Variants in SLC24A2 observed in about 807,000 individuals in gnomAD.
SLC24A2 encodes sodium/potassium/calcium exchanger 2.
SLC24A2 carries 36 observed loss-of-function variants against 62.0 expected under a neutral mutation model. The observed-to-expected ratio is 0.58, with a 90% confidence interval of 0.44 to 0.77. SLC24A2 has a LOEUF of 0.77. SLC24A2 is among the 30% of genes least tolerant of loss of function. SLC24A2 has a pLI of 0.00. For synonymous variants in SLC24A2, 358 were observed against 294.0 expected (o/e 1.22, Z -2.23); for missense variants, 846 against 817.9 (o/e 1.03, Z -0.42).
the SLC24A2 span, among the ~76,000 whole-genome samples, chr9:19,881,975 A>G: frequency 4.6e-5 from 7 of 152,332 alleles, no homozygotes; most frequent in South Asian, 1.2e-3. Context: ...AACTTTAATA[A>G]TTCAACCTAT....
the SLC24A2 span, among the ~76,000 whole-genome samples, chr9:20,143,167 T>C: frequency 2.6e-5 from 4 of 152,164 alleles, no homozygotes; most frequent in Admixed American, 1.3e-4. Context: ...GGAAGTGACA[T>C]GCAAATGCAG....
the SLC24A2 span, among the ~76,000 whole-genome samples, chr9:20,168,146 T>G: frequency 1.3e-5 from 2 of 151,974 alleles, no homozygotes; most frequent in African/African-American, 4.8e-5. Flanking sequence ...AATCTATACT[T>G]ATGTATGTCT....
chr9:20,123,928 C>T, the SLC24A2 span, among the ~76,000 whole-genome samples: 5 of 152,126 alleles, frequency 3.3e-5, no homozygotes, highest in Non-Finnish European at 5.9e-5. Flanking sequence ...TGCTCACTAG[C>T]ATTTTGAAAA....
the SLC24A2 span, among the ~76,000 whole-genome samples, chr9:20,052,996 T>A: frequency 6.6e-6 from 1 of 152,192 alleles, no homozygotes; most frequent in Admixed American, 6.5e-5. Context: ...CTATCTCCAC[T>A]TTTTTAAAAG....
At chr9:19,704,905 C>G (rs1010249669) in intron 2 of SLC24A2, among the ~76,000 whole-genome samples, 3 of 151,310 alleles carry the variant, frequency 2.0e-5, no homozygotes, top group African/African-American at 7.3e-5. Flanking sequence ...ATCGGTTTCC[C>G]TTAACAAGTA....
At chr9:19,581,691 G>C (rs918909933) in intron 5 of SLC24A2, among the ~76,000 whole-genome samples, 3 of 152,218 alleles carry the variant, frequency 2.0e-5, no homozygotes, top group Non-Finnish European at 2.9e-5. Flanking sequence ...CCTAGCACCT[G>C]CAGGTGCAGA....
intron 2 of SLC24A2, among the ~76,000 whole-genome samples, chr9:19,733,740 A>T (rs1049903421): frequency 6.6e-6 from 1 of 152,184 alleles, no homozygotes; most frequent in Non-Finnish European, 1.5e-5. Flanking sequence ...CTCATTCTTA[A>T]GACTCAATGG....
the SLC24A2 span, among the ~76,000 whole-genome samples, chr9:20,242,073 A>G: frequency 1.3e-5 from 2 of 152,158 alleles, no homozygotes; most frequent in Non-Finnish European, 2.9e-5. Context: ...CTATGGACTA[A>G]CGCGCCAGCA....
chr9:19,809,969 C>A, the SLC24A2 span, among the ~76,000 whole-genome samples: 87 of 152,116 alleles, frequency 5.7e-4, no homozygotes, highest in Admixed American at 5.4e-3. Flanking sequence ...CAACAAACCC[C>A]GGGTATATAC....
the SLC24A2 span, among the ~76,000 whole-genome samples, chr9:20,046,056 C>T: frequency 6.6e-6 from 1 of 152,220 alleles, no homozygotes; most frequent in African/African-American, 2.4e-5. Context: ...AAAGTCCCAA[C>T]ACTGACAGCT....
At position 19,508,169 on chromosome 9, in the gene SLC24A2, A is replaced by T. The variant is rs1832573933; in HGVS notation, c.*7984T>A. 6.6e-6 allele frequency: 1 copy of T among 152,226 alleles called. No homozygotes were observed. The highest frequency in any genetic ancestry group is 1.5e-5 in the Non-Finnish European group (1 of 68,040). The allele number at this position is 152,226 out of a possible 1,614,324, so 9.4% of individuals were successfully genotyped here. On this transcript the variant is annotated 3_prime_UTR_variant, in exon 11 of 11. Transcript: ENST00000341998. The stretch of plus-strand genomic sequence containing the variant: ...GCTTCCGGAGTTTTTTGACTTGAGC[A>T]GAAGAAATATCAAGGCTAGATGCAG...
chr9:20,011,953 C>A, the SLC24A2 span, among the ~76,000 whole-genome samples: 1 of 152,062 alleles, frequency 6.6e-6, no homozygotes, highest in Non-Finnish European at 1.5e-5. Context: ...ATGATCACCT[C>A]AATAGATGCA....
chr9:20,139,468 G>A, the SLC24A2 span, among the ~76,000 whole-genome samples: 14 of 152,256 alleles, frequency 9.2e-5, no homozygotes, highest in South Asian at 2.1e-4. Context: ...CAGCTTTACC[G>A]GGCTCTCTCC....
chr9:19,624,585 G>A (rs1460495550), intron 2 of SLC24A2, among the ~76,000 whole-genome samples: 2 of 152,182 alleles, frequency 1.3e-5, no homozygotes, highest in Non-Finnish European at 2.9e-5. Flanking sequence ...AAAAAACTGA[G>A]TGCAGAGACA....
At chr9:20,005,399 G>A in the SLC24A2 span, among the ~76,000 whole-genome samples, 2 of 152,104 alleles carry the variant, frequency 1.3e-5, no homozygotes, top group Admixed American at 6.6e-5. Context: ...TTGTGCTGAG[G>A]ACTTTACATA....
chr9:20,240,555 A>C, the SLC24A2 span, among the ~76,000 whole-genome samples: 1 of 152,200 alleles, frequency 6.6e-6, no homozygotes, highest in Non-Finnish European at 1.5e-5. Context: ...GGCCAAACTA[A>C]GCAGCTTCCT....
the SLC24A2 span, among the ~76,000 whole-genome samples, chr9:19,958,587 T>C: frequency 1.3e-4 from 20 of 152,304 alleles, 1 homozygote; most frequent in East Asian, 3.9e-3. Context: ...TTAACTTTCC[T>C]CTTTACTAGC....
At chr9:20,220,075 TA>T in the SLC24A2 span, among the ~76,000 whole-genome samples, 1 of 152,182 alleles carries the variant, frequency 6.6e-6, no homozygotes, top group Non-Finnish European at 1.5e-5. Context: ...TATTATTTAC[TA>T]AAGAATAATT....
chr9:20,135,081 T>C, the SLC24A2 span, among the ~76,000 whole-genome samples: 1 of 152,156 alleles, frequency 6.6e-6, no homozygotes, highest in Non-Finnish European at 1.5e-5. Flanking sequence ...TGCCCAGCAT[T>C]GTGCTGGGTT....
Sources: gnomAD v4.1 joint callset for allele counts (sites outside exome capture counted in the v4.1 genomes callset) on GRCh38, gnomAD v4.1.1 for gene constraint, MANE v1.5 for transcripts, NCBI Gene and HGNC (gene_info 2026-07-23, HGNC 2026-07-21) for gene names.